THSD4: variants seen among roughly 807,000 people sequenced by gnomAD.
THSD4 encodes the protein thrombospondin type-1 domain-containing protein 4.
Under a neutral mutation model 119.0 loss-of-function variants are expected in THSD4, and 69 were observed. The ratio of observed to expected loss-of-function variants is 0.58; its 90% confidence interval spans 0.48 to 0.71. The LOEUF is 0.71. Ranked by LOEUF, THSD4 falls within the 30% of genes least tolerant of loss-of-function variation. The pLI, the probability that THSD4 is intolerant of heterozygous loss-of-function variation, is 0.00. For synonymous variants in THSD4, 524 were observed against 540.4 expected, an observed-to-expected ratio of 0.97 and a Z score of 0.42; for missense variants, 1,393 against 1,391.1, an observed-to-expected ratio of 1.00 and a Z score of -0.02.
At chr15:71,653,714 G>T (rs1342460045) in intron 7 of THSD4, among the ~76,000 whole-genome samples, 1 of 152,192 alleles carries the variant, frequency 6.6e-6, no homozygotes, top group Non-Finnish European at 1.5e-5. Flanking sequence ...ATTTTGCATA[G>T]TGGAGCTTTG....
intron 3 of THSD4, among the ~76,000 whole-genome samples, chr15:71,157,267 G>A (rs1249929172): frequency 6.6e-6 from 1 of 152,128 alleles, no homozygotes; most frequent in Non-Finnish European, 1.5e-5. Flanking sequence ...TCAAGTGTTT[G>A]CTCTGAGAGA....
At chr15:71,419,795 CTT>C (rs2046790511) in intron 7 of THSD4, among the ~76,000 whole-genome samples, 1 of 107,678 alleles carries the variant, frequency 9.3e-6, no homozygotes, top group African/African-American at 3.2e-5. Flanking sequence ...CAAAATTCCT[CTT>C]GTTATTATTT....
At chr15:71,287,316 A>T (rs2044730549) in intron 6 of THSD4, among the ~76,000 whole-genome samples, 1 of 152,206 alleles carries the variant, frequency 6.6e-6, no homozygotes, top group South Asian at 2.1e-4. Flanking sequence ...TTAATACTTG[A>T]TATTTAGAAA....
chr15:71,371,693 T>C (rs1160166829), intron 6 of THSD4, among the ~76,000 whole-genome samples: 1 of 152,226 alleles, frequency 6.6e-6, no homozygotes, highest in Non-Finnish European at 1.5e-5. Context: ...CCGACCTTTC[T>C]CTCTGGCTGC....
At chr15:71,350,454 C>G (rs1385044792) in intron 6 of THSD4, among the ~76,000 whole-genome samples, 1 of 152,066 alleles carries the variant, frequency 6.6e-6, no homozygotes, top group Non-Finnish European at 1.5e-5. Flanking sequence ...GAGTTCTGCA[C>G]CTGGGGCTGC....
intron 7 of THSD4, among the ~76,000 whole-genome samples, chr15:71,455,182 A>G (rs1270130076): frequency 6.6e-6 from 1 of 152,192 alleles, no homozygotes; most frequent in Non-Finnish European, 1.5e-5. Context: ...GCTAGAAAAG[A>G]GCAGAACTTT....
intron 1 of THSD4, among the ~76,000 whole-genome samples, chr15:71,126,944 A>G (rs1209318456): frequency 6.6e-6 from 1 of 152,250 alleles, no homozygotes; most frequent in East Asian, 1.9e-4. Context: ...TAGTGAGAAT[A>G]TCTGAAATTT....
chr15:71,668,578 T>C (rs537112866), intron 8 of THSD4, among the ~76,000 whole-genome samples: 4 of 152,276 alleles, frequency 2.6e-5, no homozygotes, highest in African/African-American at 9.6e-5. Flanking sequence ...ATGCTGGCAT[T>C]GCCTCCTCGT....
intron 14 of THSD4, among the ~76,000 whole-genome samples, chr15:71,753,688 A>C (rs1404265813): frequency 6.6e-6 from 1 of 152,226 alleles, no homozygotes; most frequent in Non-Finnish European, 1.5e-5. Context: ...TGTGGTTTGG[A>C]GCCTCACCTG....
rs10555546 is a variant in THSD4 at position 71,755,706 on chromosome 15, C to CAA, written c.2416-2170_2416-2169dup. ...CTCACCAAGCCTGCTTCAGCAAAGACAAAAAAAAAAAAAAAAAAAAAAAAA... is the reference window on the plus strand; with the variant it reads ...CTCACCAAGCCTGCTTCAGCAAAGACAAAAAAAAAAAAAAAAAAAAAAAAAAA... On this transcript the variant is annotated intron_variant, in intron 14 of 17. Coordinates refer to ENST00000261862, the MANE Select transcript of THSD4 (RefSeq NM_024817.3). Among the ~76,000 whole-genome samples the CAA allele has an allele frequency of 6.2e-4, 31 of 50,284 alleles. 2 individuals are homozygous for CAA. The highest frequency in any genetic ancestry group is 2.3e-3 in the South Asian group (2 of 882). The allele number at this position is 50,284 out of a possible 152,430, so 33.0% of individuals were successfully genotyped here. A position where few individuals can be genotyped will look rare whatever the true frequency, so the allele number is the denominator to read the frequency against.
intron 7 of THSD4, among the ~76,000 whole-genome samples, chr15:71,582,336 C>A (rs993095820): frequency 1.3e-5 from 2 of 151,946 alleles, no homozygotes; most frequent in Non-Finnish European, 2.9e-5. Context: ...GATGTTGTAT[C>A]CTGCAACTTT....
At chr15:71,562,582 G>A (rs940927573) in intron 7 of THSD4, among the ~76,000 whole-genome samples, 1 of 148,622 alleles carries the variant, frequency 6.7e-6, no homozygotes, top group African/African-American at 2.4e-5. Flanking sequence ...CAGAAAAGCA[G>A]GAACCTGAGA....
At chr15:71,691,134 A>G (rs2052041111) in intron 8 of THSD4, among the ~76,000 whole-genome samples, 1 of 152,156 alleles carries the variant, frequency 6.6e-6, no homozygotes, top group African/African-American at 2.4e-5. Context: ...AGGGGCCACA[A>G]ACTAAGGAGT....
chr15:71,510,604 G>C (rs2048267116), intron 7 of THSD4, among the ~76,000 whole-genome samples: 1 of 152,174 alleles, frequency 6.6e-6, no homozygotes, highest in African/African-American at 2.4e-5. Context: ...ACAGCAGGGA[G>C]ATGTGGCAAT....
intron 2 of THSD4, among the ~76,000 whole-genome samples, chr15:71,151,901 G>A (rs2040725908): frequency 6.6e-6 from 1 of 152,130 alleles, no homozygotes; most frequent in African/African-American, 2.4e-5. Context: ...ATCTAGACCT[G>A]TACCATTAGC....
chr15:71,120,919 G>A (rs1171710561), intron 1 of THSD4, among the ~76,000 whole-genome samples: 3 of 152,234 alleles, frequency 2.0e-5, no homozygotes, highest in Non-Finnish European at 4.4e-5. Flanking sequence ...GACTACAGGG[G>A]TGGGAGGATG....
In THSD4 at chr15:71,590,125, G is replaced by A. The variant is rs914745154; in HGVS notation, c.1153-70405G>A. On this transcript the variant is annotated intron_variant, in intron 7 of 17. Coordinates refer to ENST00000261862, the MANE Select transcript of THSD4 (RefSeq NM_024817.3). The stretch of plus-strand genomic sequence containing the variant: ...AAGGAGAGAGGGGAATGGAGTTGAG[G>A]GAAGGACGTTCAGTCATATCTGTTG... Among the ~76,000 whole-genome samples the A allele has an allele frequency of 3.6e-5, 5 of 138,908 alleles. 1 individual carries two copies. Among genetic ancestry groups the A allele is most frequent in the Non-Finnish European group, 8.2e-5 (5 of 61,042 alleles). 91.1% of individuals were successfully genotyped at this position (138,908 alleles called of 152,430 possible). A position where few individuals can be genotyped will look rare whatever the true frequency, so the allele number is the denominator to read the frequency against.
At position 71,432,496 on chromosome 15, in the gene THSD4, A is replaced by G. The variant is rs960724357; in HGVS notation, c.1152+20673A>G. Reference sequence around the variant, plus strand: ...AGACACAGTAAAAACAGCATGAAGCATATATAATCTGTTCCTTTCCCTCCC... The same window carrying G: ...AGACACAGTAAAAACAGCATGAAGCGTATATAATCTGTTCCTTTCCCTCCC... On this transcript the variant is annotated intron_variant, in intron 7 of 17. Transcript: ENST00000261862. Among the ~76,000 whole-genome samples the G allele has an allele frequency of 2.7e-5, 4 of 150,464 alleles. No homozygotes were observed. The East Asian group carries it at 5.9e-4, about 22-fold the overall frequency.
At chr15:71,247,223 G>T (rs1435673127) in intron 5 of THSD4, among the ~76,000 whole-genome samples, 2 of 140,068 alleles carry the variant, frequency 1.4e-5, no homozygotes, top group African/African-American at 5.3e-5. Flanking sequence ...GTTTATTTTT[G>T]TTGTTTTTTT....
Sources: gnomAD v4.1 joint callset for allele counts (sites outside exome capture counted in the v4.1 genomes callset) on GRCh38, gnomAD v4.1.1 for gene constraint, MANE v1.5 for transcripts, NCBI Gene and HGNC (gene_info 2026-07-23, HGNC 2026-07-21) for gene names.